Variants in TNIP1 observed in about 807,000 individuals in gnomAD.
The protein encoded by TNIP1 is TNFAIP3-interacting protein 1.
A neutral mutation model predicts 86.6 loss-of-function variants in TNIP1; 22 were observed. The ratio of observed to expected loss-of-function variants is 0.25; its 90% CI spans 0.18 to 0.36. The LOEUF (loss-of-function observed/expected upper bound fraction) is 0.36. Among genes scored for constraint, TNIP1 ranks in the 10% least tolerant of loss-of-function variants. The pLI, the probability that TNIP1 is intolerant of heterozygous loss-of-function variation, is 1.00. For missense variants in TNIP1, 709 were observed against 820.6 expected (o/e 0.86, Z 1.66); for synonymous variants, 294 against 313.0 (o/e 0.94, Z 0.64).
rs375739278 is a variant in TNIP1, at chr5:151,032,278, G to A, written c.1876+9C>T. 1.6e-5 allele frequency: 26 copies of A among 1,610,552 alleles called. No individual in the cohort carries two copies. The African/African-American group carries it at 3.3e-4, about 21-fold the overall frequency. ...CAGGGAGGACCAAGACTCAGTATTA[G>A]GGGCTCACCTGGTTCTGTAGGCCTG... On this transcript the variant is annotated intron_variant, in intron 17 of 17. Transcript: ENST00000521591.
At chr5:151,086,871 G>A (rs756450449) in intron 1 of TNIP1, among the ~76,000 whole-genome samples, 20 of 152,282 alleles carry the variant, frequency 1.3e-4, no homozygotes, top group Non-Finnish European at 2.5e-4. Context: ...AGAGAAGACA[G>A]TGGAGAAGGA....
chr5:151,032,227 G>A (rs1756995857), intron 17 of TNIP1, 60 bp downstream of exon 17: 1 of 1,422,120 alleles, frequency 7.0e-7, no homozygotes, highest in East Asian at 2.3e-5. Context: ...CTCAGGCAAT[G>A]CTGGCAGATA....
chr5:151,085,423 G>A (rs1005988106), upstream of TNIP1, among the ~76,000 whole-genome samples: 3 of 152,224 alleles, frequency 2.0e-5, no homozygotes, highest in African/African-American at 7.2e-5. Flanking sequence ...GCTTGCCCTA[G>A]ACATCAGACT....
Position 151,029,993 on chromosome 5 carries a change from A to G in TNIP1, c.*720T>C. ...ATGTCCATGATTCGTGCAAATAGCT[A>G]TCCAGGGATGGACAGCCACCCTAAT... is the stretch of plus-strand genomic sequence containing the variant. On this transcript the variant is annotated 3_prime_UTR_variant, in exon 18 of 18. Transcript: ENST00000521591. 2.2e-6 allele frequency: 1 copy of G among 449,490 alleles called. No homozygotes were observed. The highest frequency in any genetic ancestry group is 4.5e-6 in the Non-Finnish European group (1 of 221,084). 27.8% of individuals were successfully genotyped at this position (449,490 alleles called of 1,614,324 possible).
intron 11 of TNIP1, among the ~76,000 whole-genome samples, chr5:151,041,073 T>TC (rs1180024063): frequency 6.9e-6 from 1 of 145,310 alleles, no homozygotes; most frequent in East Asian, 2.0e-4. Context: ...TCGTAGTACT[T>TC]TTTTTTTTTT....
chr5:151,043,518 T>C (rs1026191575), intron 9 of TNIP1, among the ~76,000 whole-genome samples: 2 of 152,238 alleles, frequency 1.3e-5, no homozygotes, highest in African/African-American at 4.8e-5. Context: ...CTCATGCCTA[T>C]AATTCCAGCA....
chr5:151,034,155 A>G lies in TNIP1; in HGVS notation c.1588-356T>C, dbSNP rs373655634. ...GTACATGGGCACGGAAGGCTGGTAC[A>G]TGGGCACAGAAGGCTAGTACATGGG... On this transcript the variant is annotated intron_variant, in intron 15 of 17. Coordinates refer to ENST00000521591, the MANE Select transcript of TNIP1 (RefSeq NM_006058.5). Among the ~76,000 whole-genome samples the G allele has an allele frequency of 8.5e-3, 1,261 of 149,098 alleles. 16 individuals carry two copies. Among genetic ancestry groups the G allele is most frequent in the African/African-American group, 0.03 (1,201 of 40,352 alleles).
chr5:151,073,704 G>A lies in TNIP1; in HGVS notation c.-37+7176C>T, dbSNP rs1763075409. Among the ~76,000 whole-genome samples, 4 of 151,872 alleles carry A rather than the reference G, an allele frequency of 2.6e-5. 1 individual carries two copies. The South Asian group carries it at 8.3e-4, about 32-fold the overall frequency. On this transcript the variant is annotated intron_variant, in intron 1 of 17. Transcript: ENST00000521591. ...AGGCCAGGGGTTCAAGACCAGCCTGGGCAAAAAGCAAGAATAGATTCTCTA... is the reference window on the plus strand; with the variant it reads ...AGGCCAGGGGTTCAAGACCAGCCTGAGCAAAAAGCAAGAATAGATTCTCTA...
rs1561851520 is a variant in TNIP1 at position 151,056,933 on chromosome 5, C to T, written c.460G>A (p.Asp154Asn). The T allele has an allele frequency of 1.3e-6, 2 of 1,560,144 alleles. No homozygotes were observed. Among genetic ancestry groups the T allele is most frequent in the Admixed American group, 1.9e-5 (1 of 53,876 alleles). The change falls in exon 6 of 18, where the codon GAC becomes AAC. Residue 154 changes from aspartate (D) to asparagine (N), a missense_variant. Transcript: ENST00000521591. ...AMALGPLPRE[D>N]GNLMLHLQRL... ...TGCAGGTGCAGCATCAGGTTGCCGTCCTCACGGGGCAGGGGGCCCAGCGCC... is the reference window on the plus strand; with the variant it reads ...TGCAGGTGCAGCATCAGGTTGCCGTTCTCACGGGGCAGGGGGCCCAGCGCC...
At chr5:151,062,275 C>G (rs1336841934) in intron 3 of TNIP1, 63 bp from the exon 4 acceptor site, 2 of 1,467,094 alleles carry the variant, frequency 1.4e-6, no homozygotes, top group African/African-American at 1.4e-5. Flanking sequence ...GTACCACCCT[C>G]TCAAGGACAG....
At chr5:151,068,563 C>T (rs1469707770) in intron 1 of TNIP1, among the ~76,000 whole-genome samples, 1 of 152,224 alleles carries the variant, frequency 6.6e-6, no homozygotes. Context: ...GACCACTCCC[C>T]TCCATGTGGC....
intron 15 of TNIP1, among the ~76,000 whole-genome samples, chr5:151,034,323 C>T (rs1003887907): frequency 1.4e-5 from 2 of 142,064 alleles, no homozygotes; most frequent in Non-Finnish European, 3.0e-5. Context: ...AGGCTAGGTA[C>T]ATGGGCAGTG....
intron 9 of TNIP1, 29 bp downstream of exon 9, chr5:151,045,832 C>T (rs774111129): frequency 8.1e-6 from 13 of 1,607,862 alleles, no homozygotes; most frequent in Non-Finnish European, 1.1e-5. Context: ...AAGAGGGATC[C>T]TCCCACTACT....
At position 151,049,852 on chromosome 5, in the gene TNIP1, C is replaced by T; in HGVS notation, c.818G>A (p.Gly273Asp). ...CTGCTGTCCAGCCACTGCCTTCTTG[C>T]CTGTCCCTTCCATCTTCGGTGAGCC... ...RPGSPKMEGT[G>D]KKAVAGQQQA... Residue 273 changes from glycine to aspartate, a missense_variant, in exon 8 of 18, where the codon GGC becomes GAC. By Grantham distance (94) the Gly-to-Asp change is moderately conservative. Coordinates refer to ENST00000521591, the MANE Select transcript of TNIP1 (RefSeq NM_006058.5). The T allele has an allele frequency of 6.2e-7, 1 of 1,614,190 alleles. No individual in the cohort carries two copies. Among genetic ancestry groups the T allele is most frequent in the Admixed American group, 1.7e-5 (1 of 60,024 alleles).
At chr5:151,042,440 C>T in intron 11 of TNIP1, 100 bp downstream of exon 11, 1 of 1,519,192 alleles carries the variant, frequency 6.6e-7, no homozygotes, top group Non-Finnish European at 8.9e-7. Context: ...GCACTAGACC[C>T]CCGGGTCTCC....
At chr5:151,079,481 G>A (rs774353314) in intron 1 of TNIP1, among the ~76,000 whole-genome samples, 2 of 152,056 alleles carry the variant, frequency 1.3e-5, no homozygotes, top group Non-Finnish European at 1.5e-5. Context: ...AAAATTAGCC[G>A]GGGATGGTGG....
intron 1 of TNIP1, among the ~76,000 whole-genome samples, chr5:151,069,638 C>G (rs1762612121): frequency 6.6e-6 from 1 of 152,076 alleles, no homozygotes; most frequent in South Asian, 2.1e-4. Context: ...GGAAGGTCAT[C>G]GAGGCCAACA....
chr5:151,065,794 C>A (rs1762154859), intron 1 of TNIP1, among the ~76,000 whole-genome samples: 1 of 152,092 alleles, frequency 6.6e-6, no homozygotes, highest in Non-Finnish European at 1.5e-5. Context: ...ACACTGTCAC[C>A]CTCCTCCGTG....
intron 11 of TNIP1, among the ~76,000 whole-genome samples, chr5:151,041,618 C>T (rs1448997318): frequency 2.0e-5 from 3 of 152,340 alleles, no homozygotes; most frequent in South Asian, 2.1e-4. Flanking sequence ...CCTCCCACCT[C>T]GGCATCCCAA....
Sources: gnomAD v4.1 joint callset for allele counts (sites outside exome capture counted in the v4.1 genomes callset) on GRCh38, gnomAD v4.1.1 for gene constraint, MANE v1.5 for transcripts, NCBI Gene and HGNC (gene_info 2026-07-23, HGNC 2026-07-21) for gene names.